RIPK1: variants seen among roughly 807,000 people sequenced by gnomAD.
RIPK1 encodes receptor-interacting serine/threonine-protein kinase 1.
RIPK1 carries 27 observed loss-of-function variants against 62.4 expected under a neutral mutation model. The ratio of observed to expected loss-of-function variants is 0.43; its 90% confidence interval spans 0.32 to 0.60. The LOEUF is 0.60. RIPK1 is among the 20% of genes least tolerant of loss of function. The pLI is 0.07. For missense variants in RIPK1, 735 were observed against 831.0 expected (o/e 0.88, Z 1.42); for synonymous variants, 287 against 303.2 (o/e 0.95, Z 0.55).
chr6:3,076,931 C>A lies in RIPK1; in HGVS notation c.108C>A (p.His36Gln). The A allele has an allele frequency of 6.2e-7, 1 of 1,611,836 alleles. No homozygotes were observed. Among genetic ancestry groups the A allele is most frequent in the Non-Finnish European group, 8.5e-7 (1 of 1,179,042 alleles). ...GGFGKVSLCF[H>Q]RTQGLMIMKT... ...TTGGGAAGGTGTCTCTGTGTTTCCA[C>A]AGAACCCAGGGACTCATGATCATGA... Residue 36 changes from histidine (H) to glutamine (Q), a missense_variant, in exon 2 of 11, where the codon CAC (histidine) becomes CAA (glutamine). His to Gln is a conservative substitution (Grantham distance 24). Transcript: ENST00000259808.
intron 1 of RIPK1, among the ~76,000 whole-genome samples, chr6:3,074,933 G>T (rs1758970651): frequency 6.6e-6 from 1 of 152,196 alleles, no homozygotes. Flanking sequence ...GCCCGCCTCA[G>T]CCTCCCAAAG....
intron 7 of RIPK1, among the ~76,000 whole-genome samples, chr6:3,098,023 T>A (rs1212631554): frequency 6.6e-6 from 1 of 152,146 alleles, no homozygotes; most frequent in Non-Finnish European, 1.5e-5. Context: ...TAGTGAGACC[T>A]CCTCTTTACA....
chr6:3,077,894 T>G lies in RIPK1; in HGVS notation c.280T>G (p.Tyr94Asp). The G allele has an allele frequency of 1.2e-6, 2 of 1,613,810 alleles. No homozygotes were observed. Among genetic ancestry groups the G allele is most frequent in the Non-Finnish European group, 1.7e-6 (2 of 1,179,920 alleles). Residue 94 changes from tyrosine (Y) to aspartate (D), a missense_variant, in exon 3 of 11, where the codon TAC (tyrosine) becomes GAC (aspartate). Physicochemically the swap from Tyr to Asp is radical, Grantham distance 160. Around this residue, in one of 2 missense-constraint regions of RIPK1, gnomAD observed 671 missense variants for 726.2 expected, o/e 0.92. Transcript: ENST00000259808. The part of the protein sequence containing the change: ...EEGKYSLVME[Y>D]MEKGNLMHVL... Reference sequence around the variant, plus strand: ...AGGGAAGTACTCCCTGGTGATGGAGTACATGGAGAAGGGCAACCTGATGCA... The same window carrying G: ...AGGGAAGTACTCCCTGGTGATGGAGGACATGGAGAAGGGCAACCTGATGCA...
rs115064567 is a variant in RIPK1, at chr6:3,080,334, A to G, written c.322-645A>G. 7.3e-3 allele frequency among the ~76,000 whole-genome samples: 1,117 copies of G among 152,382 alleles called. 11 individuals are homozygous for G. Among genetic ancestry groups the G allele is most frequent in the African/African-American group, 0.026 (1,073 of 41,594 alleles). On this transcript the variant is annotated intron_variant, in intron 3 of 10. Coordinates refer to ENST00000259808, the MANE Select transcript of RIPK1 (RefSeq NM_001354930.2). ...ATTGTTTCTGTTAGTATTGATGCTC[A>G]CATAACAAGAATACAATTATAAGAA...
At chr6:3,067,133 A>G (rs1160000939), upstream of RIPK1, among the ~76,000 whole-genome samples, 1 of 135,578 alleles carries the variant, frequency 7.4e-6, no homozygotes, top group East Asian at 2.1e-4. Flanking sequence ...GATGTACCAC[A>G]GCTTATCTGT....
In RIPK1 at chr6:3,076,697, A is replaced by ATAT. The variant is rs34178276; in HGVS notation, c.-60-67_-60-66insTAT. 48 of 238,826 alleles carry ATAT rather than the reference A, an allele frequency of 2.0e-4. 1 individual carries two copies. The highest frequency in any genetic ancestry group is 3.1e-4 in the Non-Finnish European group (48 of 156,410). 14.8% of individuals were successfully genotyped at this position (238,826 alleles called of 1,614,324 possible). A position where few individuals can be genotyped will look rare whatever the true frequency, so the allele number is the denominator to read the frequency against. On this transcript the variant is annotated intron_variant, in intron 1 of 10. Transcript: ENST00000259808. Reference sequence around the variant, plus strand: ...CCTGTCTCCAAAGGAGAAAAAAAAAAACATATATATATATATATATATATA... The same window carrying ATAT: ...CCTGTCTCCAAAGGAGAAAAAAAAAATATACATATATATATATATATATATATA...
At chr6:3,109,369 G>A (rs200955574) in intron 9 of RIPK1, among the ~76,000 whole-genome samples, 6 of 152,236 alleles carry the variant, frequency 3.9e-5, no homozygotes, top group South Asian at 2.1e-4. Flanking sequence ...TCAGCAGATC[G>A]GTGGGAAATC....
chr6:3,068,139 G>A, upstream of RIPK1: 1 of 883,864 alleles, frequency 1.1e-6, no homozygotes, highest in South Asian at 5.2e-5. Flanking sequence ...ATTTTAAAGG[G>A]CTGCAAAATA....
chr6:3,074,826 C>G (rs774036415), intron 1 of RIPK1, among the ~76,000 whole-genome samples: 1 of 152,084 alleles, frequency 6.6e-6, no homozygotes, highest in East Asian at 1.9e-4. Context: ...GGATTAGAGG[C>G]GCGTGCCACC....
intron 5 of RIPK1, among the ~76,000 whole-genome samples, 173 bp from the exon 6 acceptor site, chr6:3,085,086 T>C (rs929689060): frequency 3.3e-5 from 5 of 152,220 alleles, no homozygotes; most frequent in African/African-American, 1.2e-4. Context: ...ATTAAGATAT[T>C]GTTTGGTCAT....
At position 3,069,192 on chromosome 6, in the gene RIPK1, A is replaced by G. The variant is rs535987829; in HGVS notation, c.-61+531A>G. Among the ~76,000 whole-genome samples, 10 of 152,350 alleles carry G rather than the reference A, an allele frequency of 6.6e-5. No individual in the cohort carries two copies. The East Asian group carries it at 1.5e-3, about 24-fold the overall frequency. On this transcript the variant is annotated intron_variant, in intron 1 of 10. Coordinates refer to ENST00000259808, the MANE Select transcript of RIPK1 (RefSeq NM_001354930.2). ...GGAGAAGGTGGGCTCCTAGTGCCCT[A>G]TCATTAAGAAAAAACAGTTTGGGCT...
chr6:3,066,243 G>A (rs9392451), upstream of RIPK1, among the ~76,000 whole-genome samples: 16,385 of 152,082 alleles, frequency 0.11, 968 homozygotes, highest in African/African-American at 0.16. Context: ...AGGCTGGTCC[G>A]GAACCCCTGA....
At chr6:3,096,398 CTA>C (rs1760294706) in intron 7 of RIPK1, among the ~76,000 whole-genome samples, 1 of 151,942 alleles carries the variant, frequency 6.6e-6, no homozygotes, top group African/African-American at 2.4e-5. Context: ...TGTAGTAACT[CTA>C]AAAGTATAAC....
rs200270764 is a variant in RIPK1 at position 3,083,279 on chromosome 6, C to G, written c.654C>G (p.Leu218=). The change falls in exon 5 of 11, where the codon CTC becomes CTG. Residue 218 remains leucine (L), a synonymous_variant. Coordinates refer to ENST00000259808, the MANE Select transcript of RIPK1 (RefSeq NM_001354930.2). The stretch of plus-strand genomic sequence containing the variant: ...ATGTGTACAGCTTTGCTGTAGTACT[C>G]TGGGCGATATTTGCAAATAAGGAGC... ...KSDVYSFAVV[L]WAIFANKEPY... 33 of 1,613,646 alleles carry G rather than the reference C, an allele frequency of 2.0e-5. No homozygotes were observed. The East Asian group carries it at 7.1e-4, about 35-fold the overall frequency.
Position 3,085,338 on chromosome 6 carries a change from C to T in RIPK1, c.768C>T (p.Cys256=), listed in dbSNP as rs1759633157. The change falls in exon 6 of 11, where the codon TGC becomes TGT. Residue 256 remains cysteine, a synonymous_variant. Coordinates refer to ENST00000259808, the MANE Select transcript of RIPK1 (RefSeq NM_001354930.2). The part of the protein sequence containing the change: ...RPDVDDITEY[C]PREIISLMKL... ...ATGTGGATGACATCACTGAGTACTG[C>T]CCAAGAGAAATTATCAGTCTCATGA... 1 of 1,613,982 alleles carries T rather than the reference C, an allele frequency of 6.2e-7. No individual in the cohort carries two copies. The highest frequency in any genetic ancestry group is 1.1e-5 in the South Asian group (1 of 91,090).
chr6:3,074,151 TACA>T (rs1026156714), intron 1 of RIPK1, among the ~76,000 whole-genome samples: 1 of 152,238 alleles, frequency 6.6e-6, no homozygotes, highest in African/African-American at 2.4e-5. Context: ...GTTGATATCC[TACA>T]ACATTATCAT....
intron 4 of RIPK1, among the ~76,000 whole-genome samples, chr6:3,081,963 G>A (rs1759413873): frequency 7.1e-6 from 1 of 140,290 alleles, no homozygotes; most frequent in Non-Finnish European, 1.5e-5. Context: ...GTATTCGATT[G>A]TTTACTTCTG....
At chr6:3,101,284 GTTAA>G (rs1292056424) in intron 7 of RIPK1, among the ~76,000 whole-genome samples, 1 of 151,940 alleles carries the variant, frequency 6.6e-6, no homozygotes, top group Non-Finnish European at 1.5e-5. Context: ...CCCTTTTCAT[GTTAA>G]TTAAAAACAA....
chr6:3,112,289 G>C (rs1348738638), intron 10 of RIPK1, among the ~76,000 whole-genome samples: 1 of 152,194 alleles, frequency 6.6e-6, no homozygotes, highest in African/African-American at 2.4e-5. Context: ...AAAGTGAACT[G>C]TTGGGCCGGG....
Sources: gnomAD v4.1 joint callset for allele counts (sites outside exome capture counted in the v4.1 genomes callset) on GRCh38, gnomAD v4.1.1 for gene constraint, gnomAD v4.1.1 regional missense constraint, MANE v1.5 for transcripts, NCBI Gene and HGNC (gene_info 2026-07-23, HGNC 2026-07-21) for gene names.